Variants in SATL1 observed in about 807,000 individuals in gnomAD.
SATL1 encodes spermidine/spermine N(1)-acetyltransferase-like protein 1.
SATL1 carries 47 observed loss-of-function variants against 51.8 expected under a neutral mutation model. The observed-to-expected ratio is 0.91, with a 90% CI of 0.72 to 1.16. SATL1 has a LOEUF of 1.16. Ranked by LOEUF, SATL1 falls within the 50% of genes most tolerant of loss-of-function variation. The probability of loss-of-function intolerance (pLI) is 0.00; values close to 1 mark genes in which losing one functional copy is unlikely to be tolerated. For synonymous variants in SATL1, 176 were observed against 182.4 expected (o/e 0.97, Z 0.28); for missense variants, 520 against 526.4 (o/e 0.99, Z 0.12).
intron 2 of SATL1, among the ~76,000 whole-genome samples, chrX:85,216,637 T>A (rs2147758568): frequency 9.0e-6 from 1 of 111,667 alleles, no homozygotes; most frequent in South Asian, 3.8e-4. Context: ...GCAGTTTATC[T>A]CTTCAAGGCC....
chrX:85,167,391 C>A (rs1926866401), intron 2 of SATL1, among the ~76,000 whole-genome samples: 1 of 109,285 alleles, frequency 9.2e-6, no homozygotes, highest in African/African-American at 3.3e-5. Flanking sequence ...TCCCCCAAAA[C>A]TATTGAAATA....
chrX:85,199,693 T>A (rs1183131671), intron 2 of SATL1, among the ~76,000 whole-genome samples: 1 of 112,034 alleles, frequency 8.9e-6, no homozygotes, highest in African/African-American at 3.2e-5. Context: ...AAACTTCACA[T>A]GTTCTCATTC....
intron 2 of SATL1, among the ~76,000 whole-genome samples, chrX:85,214,768 G>T (rs184421783): frequency 2.2e-4 from 24 of 111,433 alleles, no homozygotes; most frequent in Admixed American, 4.8e-4. Context: ...AAAAGAAAGG[G>T]GGAATAAGCC....
At chrX:85,119,620 G>A (rs1035776572) in intron 2 of SATL1, among the ~76,000 whole-genome samples, 7 of 111,197 alleles carry the variant, frequency 6.3e-5, no homozygotes, top group Non-Finnish European at 1.1e-4. Flanking sequence ...GAGGCTTTTT[G>A]TAAAAATATC....
At chrX:85,187,377 G>A (rs1927336303) in intron 2 of SATL1, among the ~76,000 whole-genome samples, 1 of 111,479 alleles carries the variant, frequency 9.0e-6, no homozygotes, top group South Asian at 3.7e-4. Flanking sequence ...AGTAAGAGTG[G>A]TGAGAGTGGG....
Position 85,167,848 on chromosome X carries a change from T to C in SATL1, c.-313+56357A>G, listed in dbSNP as rs377194697. On this transcript the variant is annotated intron_variant, in intron 2 of 7. Transcript: ENST00000644105. ...ACAAAACCAGAAAACTTCAGGCCTA[T>C]ATCCTTGAACATCAATGGAAAAATC... 1.4e-4 allele frequency among the ~76,000 whole-genome samples: 15 copies of C among 111,046 alleles called. No homozygotes were observed. The East Asian group carries it at 3.7e-3, about 27-fold the overall frequency.
At chrX:85,142,033 A>G (rs1187481881) in intron 2 of SATL1, among the ~76,000 whole-genome samples, 1 of 102,685 alleles carries the variant, frequency 9.7e-6, no homozygotes, top group African/African-American at 3.5e-5. Flanking sequence ...TTACTTTGGC[A>G]CCAACCTAAT....
At chrX:85,124,786 A>T (rs191741494) in intron 2 of SATL1, among the ~76,000 whole-genome samples, 45 of 111,153 alleles carry the variant, frequency 4.0e-4, no homozygotes, top group African/African-American at 1.3e-3. Flanking sequence ...TATAGATAGT[A>T]AGCAAGGGAC....
intron 2 of SATL1, among the ~76,000 whole-genome samples, chrX:85,148,355 T>G (rs955447460): frequency 5.5e-5 from 6 of 109,634 alleles, no homozygotes; most frequent in African/African-American, 1.3e-4. Flanking sequence ...TACCTGAAAG[T>G]GACGGGGAGA....
Position 85,092,567 on chromosome X carries a change from TAA to T in SATL1, c.1918-8_1918-7del. On this transcript the variant is annotated splice_polypyrimidine_tract_variant and splice_region_variant and intron_variant, in intron 7 of 7. Transcript: ENST00000644105. ...CATTGAGTTGTGATGGCTATCTGTTTAAAAACAAACAAGCAAATATTACTTTC... is the reference window on the plus strand; with the variant it reads ...CATTGAGTTGTGATGGCTATCTGTTTAAACAAACAAGCAAATATTACTTTC... 8.4e-7 allele frequency: 1 copy of T among 1,194,762 alleles called. No homozygotes were observed. The highest frequency in any genetic ancestry group is 1.1e-6 in the Non-Finnish European group (1 of 885,579).
At position 85,114,239 on chromosome X, in the gene SATL1, A is replaced by C. The variant is rs1037076772; in HGVS notation, c.-312-4959T>G. Among the ~76,000 whole-genome samples the C allele has an allele frequency of 3.6e-5, 4 of 112,174 alleles. No homozygotes were observed. The Admixed American group carries it at 3.8e-4, about 11-fold the overall frequency. The stretch of plus-strand genomic sequence containing the variant: ...CTCCAAATTTTATTTATAAGAGTAT[A>C]CTGTACTCAATTGTTAAAAGCTCTA... On this transcript the variant is annotated intron_variant, in intron 2 of 7. Transcript: ENST00000644105.
chrX:85,239,946 A>G (rs999425414), intron 1 of SATL1, among the ~76,000 whole-genome samples: 1 of 85,752 alleles, frequency 1.2e-5, no homozygotes, highest in Non-Finnish European at 2.5e-5. Context: ...ACATGCAAGA[A>G]AAAAAAAATG....
chrX:85,231,407 C>T (rs1375001533), intron 1 of SATL1, among the ~76,000 whole-genome samples: 1 of 111,863 alleles, frequency 8.9e-6, no homozygotes, highest in Non-Finnish European at 1.9e-5. Context: ...TTCCAGTAAT[C>T]ATCCTCCCTG....
chrX:85,110,204 C>G lies in SATL1; in HGVS notation c.-312-924G>C, dbSNP rs368973579. Among the ~76,000 whole-genome samples, 3 of 111,345 alleles carry G rather than the reference C, an allele frequency of 2.7e-5. No individual in the cohort carries two copies. In the East Asian group the frequency reaches 8.5e-4, roughly 32 times the overall value. On this transcript the variant is annotated intron_variant, in intron 2 of 7. Coordinates refer to ENST00000644105, the MANE Select transcript of SATL1 (RefSeq NM_001367857.2). ...TAAAAGTTGGTGGAGAGCCTGAATT[C>G]AGACCCAGATCTATCTTTCCAGGCT...
intron 2 of SATL1, among the ~76,000 whole-genome samples, chrX:85,113,549 A>G (rs1297339135): frequency 3.6e-5 from 4 of 111,675 alleles, no homozygotes; most frequent in Non-Finnish European, 3.8e-5. Context: ...CTCAGAAACA[A>G]CTGATGAGTC....
intron 4 of SATL1, among the ~76,000 whole-genome samples, chrX:85,095,696 C>T (rs750422395): frequency 7.6e-5 from 8 of 104,596 alleles, no homozygotes; most frequent in South Asian, 9.3e-4. Context: ...CGTAGTGGCG[C>T]GCGCCTGTAG....
chrX:85,111,071 A>T (rs1287626744), intron 2 of SATL1, among the ~76,000 whole-genome samples: 2 of 113,170 alleles, frequency 1.8e-5, no homozygotes, highest in Non-Finnish European at 1.9e-5. Flanking sequence ...AGGCAAAGAG[A>T]TGAGATAATT....
At chrX:85,177,455 T>C (rs1218676486) in intron 2 of SATL1, among the ~76,000 whole-genome samples, 1 of 111,379 alleles carries the variant, frequency 9.0e-6, no homozygotes, top group Non-Finnish European at 1.9e-5. Flanking sequence ...TGCTGGGATG[T>C]GTGGGAATAC....
intron 5 of SATL1, 22 bp downstream of exon 5, chrX:85,094,894 G>A (rs1375522088): frequency 9.8e-7 from 1 of 1,023,122 alleles, no homozygotes; most frequent in Admixed American, 2.3e-5. Flanking sequence ...AGATTGAACT[G>A]GAGAAGAAAG....
Sources: allele counts gnomAD v4.1 joint callset (sites outside exome capture counted in the v4.1 genomes callset), GRCh38; gene constraint gnomAD v4.1.1; transcripts MANE v1.5; gene names NCBI Gene and HGNC (gene_info 2026-07-23, HGNC 2026-07-21).